The following CNTN1 variants were observed in gnomAD, a reference collection of about 807,000 sequenced individuals.
CNTN1 encodes the protein contactin-1.
CNTN1 carries 38 observed loss-of-function variants against 126.4 expected under a neutral mutation model. The ratio of observed to expected loss-of-function variants is 0.30; its 90% CI spans 0.23 to 0.39. CNTN1 has a LOEUF of 0.39. CNTN1 is among the 10% of genes least tolerant of loss of function. The pLI is 1.00. For synonymous variants in CNTN1, 413 were observed against 422.6 expected (o/e 0.98, Z 0.28); for missense variants, 1,009 against 1,248.4 (o/e 0.81, Z 2.89).
intron 15 of CNTN1, among the ~76,000 whole-genome samples, chr12:40,966,401 C>T (rs1432625152): frequency 6.6e-6 from 1 of 152,044 alleles, no homozygotes; most frequent in African/African-American, 2.4e-5. Context: ...ATAGCAAAAC[C>T]TGCCTAGAAA....
chr12:40,944,040 T>C lies in CNTN1; in HGVS notation c.1553T>C (p.Val518Ala). ...GCCCCAATTAATGCCGATATCACAG[T>C]TGGAGAAAACGCCACCATGCAGTGT... is the stretch of plus-strand genomic sequence containing the variant. ...ILAPINADIT[V>A]GENATMQCAA... The change falls in exon 14 of 24, where the codon GTT (valine) becomes GCT (alanine). Residue 518 changes from valine (V) to alanine (A), a missense_variant. By Grantham distance (64) the Val-to-Ala change is moderately conservative. Coordinates refer to ENST00000551295, the MANE Select transcript of CNTN1 (RefSeq NM_001843.4). 6.2e-7 allele frequency: 1 copy of C among 1,613,588 alleles called. No individual in the cohort carries two copies. Among genetic ancestry groups the C allele is most frequent in the African/African-American group, 1.3e-5 (1 of 75,004 alleles).
rs375274970 is a variant in CNTN1 at position 41,025,347 on chromosome 12, C to T, written c.2710+11C>T. 5.6e-6 allele frequency: 9 copies of T among 1,612,332 alleles called. No homozygotes were observed. The highest frequency in any genetic ancestry group is 1.1e-5 in the South Asian group (1 of 91,034). The stretch of plus-strand genomic sequence containing the variant: ...TCACCAAGAAAGCACGTGAGTCTCA[C>T]GTTTTGTTTTTAGACTTGTCAAAAA... On this transcript the variant is annotated intron_variant, in intron 21 of 23. Transcript: ENST00000551295.
At chr12:40,968,241 T>C (rs1371776562) in intron 15 of CNTN1, among the ~76,000 whole-genome samples, 1 of 152,180 alleles carries the variant, frequency 6.6e-6, no homozygotes, top group Non-Finnish European at 1.5e-5. Flanking sequence ...TTCAATGTGA[T>C]AAAATAATCA....
At chr12:40,870,899 T>A (rs1943464545) in intron 1 of CNTN1, among the ~76,000 whole-genome samples, 1 of 152,070 alleles carries the variant, frequency 6.6e-6, no homozygotes, top group Non-Finnish European at 1.5e-5. Flanking sequence ...GTTTCCATCT[T>A]GTGTTATATA....
At chr12:40,974,339 C>T (rs1341759769) in intron 15 of CNTN1, among the ~76,000 whole-genome samples, 5 of 151,988 alleles carry the variant, frequency 3.3e-5, no homozygotes, top group Non-Finnish European at 1.5e-5. Flanking sequence ...ATTGGCCAGG[C>T]ATGATGGTAC....
At chr12:40,845,977 A>G (rs749018387) in intron 1 of CNTN1, among the ~76,000 whole-genome samples, 3 of 152,246 alleles carry the variant, frequency 2.0e-5, no homozygotes, top group Non-Finnish European at 4.4e-5. Context: ...GAGTTGGGGA[A>G]TGTGAATTAC....
chr12:40,783,553 A>G (rs1314814508), intron 1 of CNTN1, among the ~76,000 whole-genome samples: 1 of 152,096 alleles, frequency 6.6e-6, no homozygotes, highest in Non-Finnish European at 1.5e-5. Context: ...AGTAAACATC[A>G]ATTTCAATAT....
intron 3 of CNTN1, among the ~76,000 whole-genome samples, chr12:40,910,886 T>G (rs550954620): frequency 6.6e-6 from 1 of 152,264 alleles, no homozygotes; most frequent in South Asian, 2.1e-4. Context: ...TGAAAAATCA[T>G]GAAGAATCAC....
chr12:40,972,337 G>A, intron 15 of CNTN1: 1 of 985,122 alleles, frequency 1.0e-6, no homozygotes. Flanking sequence ...CTGCTTAAAT[G>A]TTATTGTTTG....
At chr12:40,718,582 C>G (rs1160931967) in intron 1 of CNTN1, among the ~76,000 whole-genome samples, 1 of 151,966 alleles carries the variant, frequency 6.6e-6, no homozygotes, top group Non-Finnish European at 1.5e-5. Context: ...CTATTTTTGT[C>G]CTAGTGGGCA....
At chr12:40,995,346 A>G (rs573720210) in intron 17 of CNTN1, among the ~76,000 whole-genome samples, 31 of 152,252 alleles carry the variant, frequency 2.0e-4, no homozygotes, top group African/African-American at 6.5e-4. Context: ...TCTCTACACC[A>G]TCTAAAACAC....
intron 15 of CNTN1, among the ~76,000 whole-genome samples, chr12:40,967,370 CTTGGG>C (rs1215173737): frequency 2.0e-5 from 3 of 152,022 alleles, no homozygotes; most frequent in East Asian, 3.9e-4. Flanking sequence ...GTCCCCCCTG[CTTGGG>C]AGGCTGAGAC....
intron 17 of CNTN1, among the ~76,000 whole-genome samples, chr12:40,993,669 A>G (rs977675688): frequency 6.6e-6 from 1 of 152,180 alleles, no homozygotes; most frequent in African/African-American, 2.4e-5. Flanking sequence ...TAGAAGGTTC[A>G]TAATTCTGTG....
At chr12:40,716,783 G>A (rs903161968) in intron 1 of CNTN1, among the ~76,000 whole-genome samples, 5 of 152,194 alleles carry the variant, frequency 3.3e-5, no homozygotes, top group Admixed American at 1.3e-4. Context: ...AAGAATAAAT[G>A]AACCATATCA....
intron 1 of CNTN1, among the ~76,000 whole-genome samples, chr12:40,719,097 G>C (rs1221649986): frequency 6.6e-6 from 1 of 152,094 alleles, no homozygotes; most frequent in Non-Finnish European, 1.5e-5. Flanking sequence ...AACAACTGAA[G>C]TTAATCATTT....
At chr12:40,894,264 G>A (rs562374544) in intron 1 of CNTN1, among the ~76,000 whole-genome samples, 1 of 152,138 alleles carries the variant, frequency 6.6e-6, no homozygotes, top group Non-Finnish European at 1.5e-5. Context: ...AAGTGATACT[G>A]GCACTTCACT....
intron 1 of CNTN1, among the ~76,000 whole-genome samples, chr12:40,897,296 T>C (rs1219172595): frequency 6.6e-6 from 1 of 152,180 alleles, no homozygotes; most frequent in African/African-American, 2.4e-5. Context: ...TGTTTCCTCT[T>C]GGTGGAAGGG....
intron 14 of CNTN1, among the ~76,000 whole-genome samples, chr12:40,949,569 CTTTTTTTTTTT>C (rs36070275): frequency 3.0e-4 from 19 of 64,306 alleles, no homozygotes; most frequent in Admixed American, 2.6e-3. Flanking sequence ...TCTTTTCTTT[CTTTTTTTTTTT>C]TTTTTTTTTT....
intron 23 of CNTN1, among the ~76,000 whole-genome samples, chr12:41,032,348 A>G (rs1371173243): frequency 1.3e-5 from 2 of 150,228 alleles, no homozygotes; most frequent in Non-Finnish European, 3.0e-5. Flanking sequence ...AGCCTGGGCG[A>G]CAGAGCGAGA....
Sources: gnomAD v4.1 joint callset for allele counts (sites outside exome capture counted in the v4.1 genomes callset) on GRCh38, gnomAD v4.1.1 for gene constraint, MANE v1.5 for transcripts, NCBI Gene and HGNC (gene_info 2026-07-23, HGNC 2026-07-21) for gene names.